Variants in SFPQ observed in about 807,000 individuals in gnomAD.
The protein encoded by SFPQ is splicing factor, proline- and glutamine-rich.
A neutral mutation model predicts 72.9 loss-of-function variants in SFPQ; 11 were observed. That is an observed-to-expected ratio of 0.15 (90% CI 0.09 to 0.25). The LOEUF (loss-of-function observed/expected upper bound fraction) is 0.25, where lower values mean the gene tolerates loss of function less well. Ranked by LOEUF, SFPQ falls within the 10% of genes least tolerant of loss-of-function variation. SFPQ has a pLI of 1.00. For synonymous variants in SFPQ, 506 were observed against 367.3 expected, an observed-to-expected ratio of 1.38 and a Z score of -4.32; for missense variants, 847 against 993.3, an observed-to-expected ratio of 0.85 and a Z score of 1.98.
chr1:35,187,759 A>G (rs1362432069), intron 7 of SFPQ, among the ~76,000 whole-genome samples: 2 of 152,080 alleles, frequency 1.3e-5, no homozygotes, highest in African/African-American at 4.8e-5. Context: ...ACAAAAAAAC[A>G]AAACAAAACA....
chr1:35,188,864 G>A, intron 6 of SFPQ, 139 bp downstream of exon 6: 1 of 671,382 alleles, frequency 1.5e-6, no homozygotes, highest in Non-Finnish European at 2.6e-6. Context: ...GGGAGGCTGA[G>A]GCAAGAGAAT....
downstream of SFPQ, chr1:35,181,605 G>A (rs552032924): frequency 1.9e-5 from 20 of 1,059,372 alleles, no homozygotes; most frequent in Non-Finnish European, 2.3e-5. Context: ...ACAATATGCA[G>A]TTTTTAAAGA....
intron 1 of SFPQ, among the ~76,000 whole-genome samples, chr1:35,191,856 T>C (rs1332821626): frequency 1.3e-5 from 2 of 152,224 alleles, no homozygotes; most frequent in African/African-American, 2.4e-5. Context: ...CAAATGCCAC[T>C]GTAACCTACA....
chr1:35,180,364 C>G, downstream of SFPQ: 1 of 1,033,364 alleles, frequency 9.7e-7, no homozygotes, highest in Non-Finnish European at 1.2e-6. Flanking sequence ...CATCACATCC[C>G]TAAAGCTAAG....
chr1:35,184,593 G>T lies in SFPQ; in HGVS notation c.1987C>A (p.Arg663Ser). ...CCTCCCTGCCCAAAGCGCTCAGTAC[G>T]CTATTGGAACAGTAATTAACAGTTC... is the stretch of plus-strand genomic sequence containing the variant. ...MSGSMMGSDM[R>S]TERFGQGGAG... Residue 663 changes from arginine (R) to serine (S), a missense_variant and splice_region_variant, in exon 10 of 10, where the codon CGT becomes AGT. Transcript: ENST00000357214. 6.3e-7 allele frequency: 1 copy of T among 1,585,444 alleles called. No homozygotes were observed. The highest frequency in any genetic ancestry group is 8.5e-7 in the Non-Finnish European group (1 of 1,171,380).
downstream of SFPQ, chr1:35,178,759 A>G: frequency 2.8e-6 from 3 of 1,054,702 alleles, no homozygotes; most frequent in African/African-American, 3.3e-5. Flanking sequence ...TGATTACTGC[A>G]AAGGGTATAT....
Position 35,183,182 on chromosome 1 carries a change from G to T in SFPQ, c.*1274C>A. Reference sequence around the variant, plus strand: ...AGCACAAGGAGATGTAAAAGTTACAGAGTACAAATGTATATATAACTAAAC... The same window carrying T: ...AGCACAAGGAGATGTAAAAGTTACATAGTACAAATGTATATATAACTAAAC... On this transcript the variant is annotated 3_prime_UTR_variant, in exon 10 of 10. Coordinates refer to ENST00000357214, the MANE Select transcript of SFPQ (RefSeq NM_005066.3). The T allele has an allele frequency of 9.8e-7, 1 of 1,017,992 alleles. No individual in the cohort carries two copies. Among genetic ancestry groups the T allele is most frequent in the Non-Finnish European group, 1.2e-6 (1 of 848,572 alleles). 63.1% of individuals were successfully genotyped at this position (1,017,992 alleles called of 1,614,324 possible).
chr1:35,192,275 GC>G lies in SFPQ; in HGVS notation c.774del (p.Pro260ArgfsTer26). On this transcript the variant is annotated frameshift_variant, in exon 1 of 10. Coordinates refer to ENST00000357214, the MANE Select transcript of SFPQ (RefSeq NM_005066.3). LOFTEE classifies it high-confidence loss of function. Reference protein sequence around the residue: ...HPPYHQQHHQGPPPGGPGGRS... With the variant: ...HPPYHQQHHQXPPPGGPGGRS... ...CGGCCGCCGGGCCCGCCGGGCGGGG[GC>G]CCCTGGTGATGCTGCTGGTGGTAGG... 1 of 1,462,330 alleles carries G rather than the reference GC, an allele frequency of 6.8e-7. No individual in the cohort carries two copies. The highest frequency in any genetic ancestry group is 9.0e-7 in the Non-Finnish European group (1 of 1,114,840). The allele number at this position is 1,462,330 out of a possible 1,614,324, so 90.6% of individuals were successfully genotyped here.
Position 35,184,121 on chromosome 1 carries a change from T to G in SFPQ, c.*335A>C, listed in dbSNP as rs1026704912. ...GAATGGCAAAGTTGAAGATCAATAT[T>G]ATAACTATTTTTCTATTTATTTGAA... On this transcript the variant is annotated 3_prime_UTR_variant, in exon 10 of 10. Coordinates refer to ENST00000357214, the MANE Select transcript of SFPQ (RefSeq NM_005066.3). The G allele has an allele frequency of 1.3e-5, 15 of 1,134,560 alleles. No homozygotes were observed. Among genetic ancestry groups the G allele is most frequent in the Admixed American group, 5.1e-5 (1 of 19,434 alleles). 70.3% of individuals were successfully genotyped at this position (1,134,560 alleles called of 1,614,324 possible).
chr1:35,177,994 G>A, downstream of SFPQ: 1 of 1,269,056 alleles, frequency 7.9e-7, no homozygotes, highest in Non-Finnish European at 1.0e-6. Flanking sequence ...CTTACTTCAT[G>A]TGAATGAGCA....
chr1:35,188,402 A>C (rs1639831821), intron 6 of SFPQ, among the ~76,000 whole-genome samples: 1 of 152,258 alleles, frequency 6.6e-6, no homozygotes, highest in Admixed American at 6.5e-5. Flanking sequence ...GTTAGTGCAT[A>C]AGTCAAGGAT....
intron 9 of SFPQ, 37 bp downstream of exon 9, chr1:35,186,964 G>T (rs1557798521): frequency 1.9e-6 from 3 of 1,570,328 alleles, no homozygotes; most frequent in Non-Finnish European, 2.6e-6. Context: ...GTGAAAATGA[G>T]AATTTCCTTG....
At chr1:35,180,496 A>G, downstream of SFPQ, 1 of 1,050,608 alleles carries the variant, frequency 9.5e-7, no homozygotes, top group African/African-American at 1.7e-5. Context: ...GTTCCACACC[A>G]CCTTCCCCCA....
At chr1:35,179,323 T>G (rs1220406019), downstream of SFPQ, 2 of 1,058,638 alleles carry the variant, frequency 1.9e-6, no homozygotes, top group East Asian at 1.0e-4. Flanking sequence ...GTGAGACTAT[T>G]ATGCATTCTT....
In SFPQ at chr1:35,191,465, C is replaced by T; in HGVS notation, c.893G>A (p.Arg298Gln). ...AGCAGGTAGATTCCCAACAAACAAC[C>T]GACATCGCTGTGTGTAAGTTTTCTC... is the stretch of plus-strand genomic sequence containing the variant. ...PGEKTYTQRC[R>Q]LFVGNLPADI... Residue 298 changes from arginine (R) to glutamine (Q), a missense_variant, in exon 2 of 10, where the codon CGG (arginine) becomes CAG (glutamine). Arg to Gln is a conservative substitution (Grantham distance 43). Around this residue, in one of 6 missense-constraint regions of SFPQ, gnomAD observed 35 missense variants for 52.9 expected, o/e 0.66. Coordinates refer to ENST00000357214, the MANE Select transcript of SFPQ (RefSeq NM_005066.3). The T allele has an allele frequency of 6.2e-7, 1 of 1,614,166 alleles. No individual in the cohort carries two copies. The highest frequency in any genetic ancestry group is 8.5e-7 in the Non-Finnish European group (1 of 1,180,012).
intron 6 of SFPQ, among the ~76,000 whole-genome samples, chr1:35,188,615 GCT>G (rs1427526791): frequency 6.6e-6 from 1 of 152,204 alleles, no homozygotes; most frequent in Non-Finnish European, 1.5e-5. Flanking sequence ...ACTGCAGTGA[GCT>G]ATGATCATGC....
At chr1:35,180,499 T>C, downstream of SFPQ, 1 of 1,049,760 alleles carries the variant, frequency 9.5e-7, no homozygotes. Flanking sequence ...CCACACCACC[T>C]TCCCCCAGGT....
At chr1:35,186,290 T>C (rs1030931446) in intron 9 of SFPQ, among the ~76,000 whole-genome samples, 5 of 152,214 alleles carry the variant, frequency 3.3e-5, no homozygotes, top group African/African-American at 4.8e-5. Flanking sequence ...CAGCCACTCA[T>C]ACCAGTTCAA....
At chr1:35,178,751 A>T, downstream of SFPQ, 4 of 1,053,956 alleles carry the variant, frequency 3.8e-6, no homozygotes, top group Non-Finnish European at 4.6e-6. Flanking sequence ...TCCCTGAATG[A>T]TTACTGCAAA....
Sources: gnomAD v4.1 joint callset for allele counts (sites outside exome capture counted in the v4.1 genomes callset) on GRCh38, gnomAD v4.1.1 for gene constraint, gnomAD v4.1.1 regional missense constraint, MANE v1.5 for transcripts, NCBI Gene and HGNC (gene_info 2026-07-23, HGNC 2026-07-21) for gene names.